Variants in PDE7B observed in about 807,000 individuals in gnomAD.
PDE7B encodes 3',5'-cyclic-AMP phosphodiesterase 7B.
A neutral mutation model predicts 56.2 loss-of-function variants in PDE7B; 29 were observed. That is an observed-to-expected ratio of 0.52 (90% CI 0.38 to 0.70). The LOEUF is 0.70. Among genes scored for constraint, PDE7B ranks in the 30% least tolerant of loss-of-function variants. The probability of loss-of-function intolerance (pLI) is 0.00; values close to 1 mark genes in which losing one functional copy is unlikely to be tolerated. For synonymous variants in PDE7B, 197 were observed against 196.9 expected (o/e 1.00, Z 0.00); for missense variants, 490 against 565.0 (o/e 0.87, Z 1.35).
chr6:136,110,711 CATTTTTTTTT>C (rs1777730213), intron 3 of PDE7B, among the ~76,000 whole-genome samples: 1 of 138,636 alleles, frequency 7.2e-6, no homozygotes, highest in Non-Finnish European at 1.5e-5. Context: ...GATTCTGCAA[CATTTTTTTTT>C]TTTTTTTTTT....
intron 1 of PDE7B, among the ~76,000 whole-genome samples, chr6:135,884,339 G>A (rs1775664289): frequency 6.6e-6 from 1 of 152,172 alleles, no homozygotes; most frequent in Non-Finnish European, 1.5e-5. Context: ...ATCAGCTAGT[G>A]TGCAGTACTT....
intron 2 of PDE7B, among the ~76,000 whole-genome samples, chr6:135,981,614 T>A (rs6905270): frequency 0.011 from 1,606 of 149,860 alleles, 29 homozygotes; most frequent in African/African-American, 0.036. Context: ...AGGGTCAAGA[T>A]GATCAATATC....
chr6:135,916,222 G>T (rs992947429), intron 1 of PDE7B, among the ~76,000 whole-genome samples: 4 of 148,440 alleles, frequency 2.7e-5, no homozygotes, highest in African/African-American at 1.0e-4. Flanking sequence ...CTTCTGTTTT[G>T]TTGTTGTTGT....
chr6:135,897,975 G>A (rs1410161668), intron 1 of PDE7B, among the ~76,000 whole-genome samples: 5 of 152,170 alleles, frequency 3.3e-5, no homozygotes, highest in Admixed American at 1.3e-4. Flanking sequence ...CAGGTTTAAG[G>A]CATGAAGAAG....
chr6:135,887,331 T>G (rs993430000), intron 1 of PDE7B, among the ~76,000 whole-genome samples: 3 of 152,292 alleles, frequency 2.0e-5, no homozygotes, highest in Non-Finnish European at 4.4e-5. Context: ...CAAGACCTTT[T>G]GTTAGAGGCT....
chr6:135,901,230 T>C (rs1009717266), intron 1 of PDE7B, among the ~76,000 whole-genome samples: 10 of 152,178 alleles, frequency 6.6e-5, no homozygotes, highest in Non-Finnish European at 4.4e-5. Flanking sequence ...GCTTCTCCTA[T>C]GGATTTAAAT....
chr6:135,859,938 G>C (rs2128184329), intron 1 of PDE7B, among the ~76,000 whole-genome samples: 1 of 152,042 alleles, frequency 6.6e-6, no homozygotes, highest in East Asian at 1.9e-4. Flanking sequence ...AAAAAATGAG[G>C]ATTCCATTTT....
intron 2 of PDE7B, among the ~76,000 whole-genome samples, chr6:136,020,916 C>G (rs937582062): frequency 6.6e-6 from 1 of 152,074 alleles, no homozygotes; most frequent in African/African-American, 2.4e-5. Context: ...TGCATTTTAC[C>G]ATTGCATGAT....
intron 2 of PDE7B, among the ~76,000 whole-genome samples, chr6:136,068,033 A>G (rs895318060): frequency 6.6e-6 from 1 of 152,218 alleles, no homozygotes; most frequent in African/African-American, 2.4e-5. Flanking sequence ...TAATCCCCCA[A>G]ACAGTTCAAT....
At chr6:135,926,166 A>G (rs1421719078) in intron 1 of PDE7B, among the ~76,000 whole-genome samples, 9 of 146,678 alleles carry the variant, frequency 6.1e-5, no homozygotes, top group Non-Finnish European at 1.3e-4. Context: ...GGCTCACTGC[A>G]AGCTCCGCCT....
At chr6:136,186,852 T>A (rs572621468) in intron 11 of PDE7B, among the ~76,000 whole-genome samples, 184 bp from the exon 12 acceptor site, 1 of 152,336 alleles carries the variant, frequency 6.6e-6, no homozygotes, top group African/African-American at 2.4e-5. Flanking sequence ...GTATTTTAAA[T>A]TTTTACGGAA....
intron 2 of PDE7B, among the ~76,000 whole-genome samples, chr6:135,980,499 C>T (rs1385275289): frequency 6.6e-6 from 1 of 151,132 alleles, no homozygotes; most frequent in African/African-American, 2.4e-5. Context: ...TCAGAGTGAA[C>T]AGGCAACCTA....
chr6:136,154,840 C>T (rs1407982800), intron 7 of PDE7B, among the ~76,000 whole-genome samples: 1 of 152,202 alleles, frequency 6.6e-6, no homozygotes, highest in East Asian at 1.9e-4. Flanking sequence ...TATTCTAAGA[C>T]TGTTGAGTTC....
chr6:135,981,709 A>G (rs1341151802), intron 2 of PDE7B, among the ~76,000 whole-genome samples: 1 of 150,540 alleles, frequency 6.6e-6, no homozygotes, highest in East Asian at 2.0e-4. Flanking sequence ...TACTATAACA[A>G]TGCCTTCCTC....
At chr6:136,032,918 G>GT (rs1469157062) in intron 2 of PDE7B, among the ~76,000 whole-genome samples, 1 of 152,172 alleles carries the variant, frequency 6.6e-6, no homozygotes, top group Non-Finnish European at 1.5e-5. Context: ...AAGCTCAGTG[G>GT]TGAGTATAGA....
chr6:135,878,418 C>CT (rs1252917709), intron 1 of PDE7B, among the ~76,000 whole-genome samples: 5 of 152,194 alleles, frequency 3.3e-5, no homozygotes, highest in Non-Finnish European at 7.4e-5. Flanking sequence ...CACAACTTGC[C>CT]TTAATATTCA....
chr6:136,103,133 G>T (rs899847956), intron 2 of PDE7B, among the ~76,000 whole-genome samples: 7 of 152,162 alleles, frequency 4.6e-5, no homozygotes, highest in African/African-American at 1.7e-4. Context: ...CACAGCTAGT[G>T]AAACAGAACA....
intron 2 of PDE7B, among the ~76,000 whole-genome samples, chr6:135,972,207 C>A (rs1583804163): frequency 1.7e-5 from 2 of 115,204 alleles, no homozygotes; most frequent in African/African-American, 8.6e-5. Flanking sequence ...ACACTCCAGC[C>A]TGGGCAACTA....
At position 136,159,739 on chromosome 6, in the gene PDE7B, C is replaced by T. The variant is rs539782396; in HGVS notation, c.711+3981C>T. ...CCTGTTGTTTTTCTTTCTGTATCCT[C>T]CGGATTTAAAATGTTCAATTAACTC... On this transcript the variant is annotated intron_variant, in intron 8 of 12. Coordinates refer to ENST00000308191, the MANE Select transcript of PDE7B (RefSeq NM_018945.4). Among the ~76,000 whole-genome samples, 6 of 152,310 alleles carry T rather than the reference C, an allele frequency of 3.9e-5. No homozygotes were observed. In the East Asian group the frequency reaches 9.6e-4, roughly 24 times the overall value.
Sources: gnomAD v4.1 joint callset for allele counts (sites outside exome capture counted in the v4.1 genomes callset) on GRCh38, gnomAD v4.1.1 for gene constraint, MANE v1.5 for transcripts, NCBI Gene and HGNC (gene_info 2026-07-23, HGNC 2026-07-21) for gene names.